The following IFT56 variants were observed in gnomAD, a reference collection of about 807,000 sequenced individuals.
IFT56 encodes intraflagellar transport protein 56.
At chr7:139,139,909 A>T in the IFT56 span, 15 of 1,611,810 alleles carry the variant, frequency 9.3e-6, no homozygotes, top group Non-Finnish European at 1.1e-5. Flanking sequence ...AATGCTACAA[A>T]AGAGGAAAAT....
At chr7:139,187,657 A>G in the IFT56 span, 37 of 1,323,328 alleles carry the variant, frequency 2.8e-5, no homozygotes, top group Non-Finnish European at 3.5e-5. Context: ...TTTTAGAATG[A>G]TGAAAAAAAG....
the IFT56 span, among the ~76,000 whole-genome samples, chr7:139,160,567 C>T: frequency 6.6e-6 from 1 of 151,960 alleles, no homozygotes; most frequent in Admixed American, 6.6e-5. Context: ...GTTGCTGGGA[C>T]TACAGGCTCG....
At chr7:139,168,457 C>T in the IFT56 span, 17 of 1,291,422 alleles carry the variant, frequency 1.3e-5, no homozygotes, top group Non-Finnish European at 1.9e-5. Context: ...TGGAAGAGAA[C>T]AAAATGACTA....
chr7:139,144,131 A>G, the IFT56 span, among the ~76,000 whole-genome samples: 1 of 152,034 alleles, frequency 6.6e-6, no homozygotes, highest in African/African-American at 2.4e-5. Flanking sequence ...TTGTGCTCCT[A>G]TCTGAAATCA....
the IFT56 span, chr7:139,168,212 T>C: frequency 2.0e-6 from 1 of 512,342 alleles, no homozygotes; most frequent in South Asian, 5.8e-5. Context: ...AAGCCAGGGA[T>C]AGAACAGAGA....
the IFT56 span, chr7:139,133,890 T>C: frequency 6.2e-7 from 1 of 1,614,138 alleles, no homozygotes; most frequent in South Asian, 1.1e-5. Context: ...AAGGGAGTAC[T>C]TTGAGTAGGT....
At chr7:139,138,991 T>G in the IFT56 span, among the ~76,000 whole-genome samples, 8 of 152,100 alleles carry the variant, frequency 5.3e-5, no homozygotes, top group Admixed American at 4.6e-4. Context: ...TTTTGTGTGT[T>G]TTAGTAGAGA....
chr7:139,157,054 A>T, the IFT56 span, among the ~76,000 whole-genome samples: 5 of 149,848 alleles, frequency 3.3e-5, no homozygotes. Context: ...TCCATGGATG[A>T]GTTGGGAGAT....
At chr7:139,178,663 C>A in the IFT56 span, 1 of 1,431,610 alleles carries the variant, frequency 7.0e-7, no homozygotes, top group Non-Finnish European at 9.8e-7. Flanking sequence ...CTTTTTCTCA[C>A]TGGAATAAAA....
chr7:139,148,213 C>T, the IFT56 span: 2 of 1,609,446 alleles, frequency 1.2e-6, no homozygotes, highest in Non-Finnish European at 1.7e-6. Flanking sequence ...TAGGGAATAC[C>T]TTGCCCTTAA....
the IFT56 span, among the ~76,000 whole-genome samples, chr7:139,182,188 C>T: frequency 6.6e-6 from 1 of 152,030 alleles, no homozygotes; most frequent in South Asian, 2.1e-4. Context: ...TAAAATCAGC[C>T]TCAAATTCTG....
At chr7:139,174,253 A>G in the IFT56 span, 1 of 583,310 alleles carries the variant, frequency 1.7e-6, no homozygotes, top group Non-Finnish European at 3.4e-6. Flanking sequence ...TTTCCCAACA[A>G]TAACATTAAC....
At chr7:139,135,255 G>A in the IFT56 span, among the ~76,000 whole-genome samples, 2 of 137,762 alleles carry the variant, frequency 1.5e-5, no homozygotes, top group African/African-American at 5.5e-5. Flanking sequence ...CTCCAGCCTG[G>A]CTACAAGGCG....
At chr7:139,141,777 TG>T in the IFT56 span, among the ~76,000 whole-genome samples, 7 of 152,286 alleles carry the variant, frequency 4.6e-5, no homozygotes, top group East Asian at 1.3e-3. Flanking sequence ...AGAAAATCTG[TG>T]GAATAGAGGC....
At chr7:139,163,407 G>A in the IFT56 span, among the ~76,000 whole-genome samples, 12 of 152,052 alleles carry the variant, frequency 7.9e-5, no homozygotes, top group African/African-American at 2.9e-4. Context: ...GTAGGCATCC[G>A]TGTCAAAACT....
the IFT56 span, chr7:139,189,409 A>G: frequency 1.2e-6 from 2 of 1,613,222 alleles, no homozygotes; most frequent in East Asian, 4.5e-5. Context: ...GAAATGGGCC[A>G]AAGAAAACAG....
At chr7:139,135,301 A>AC in the IFT56 span, among the ~76,000 whole-genome samples, 2 of 141,650 alleles carry the variant, frequency 1.4e-5, no homozygotes, top group African/African-American at 5.8e-5. Context: ...AAAAAAAACA[A>AC]AACAAAACTT....
chr7:139,171,622 A>T, the IFT56 span, among the ~76,000 whole-genome samples: 7 of 152,204 alleles, frequency 4.6e-5, no homozygotes, highest in Non-Finnish European at 8.8e-5. Context: ...ATGCTGGGAA[A>T]ACTGGATATC....
At chr7:139,172,326 C>T in the IFT56 span, among the ~76,000 whole-genome samples, 5 of 152,128 alleles carry the variant, frequency 3.3e-5, no homozygotes, top group Admixed American at 6.5e-5. Flanking sequence ...ACTATAGGCA[C>T]CCAGGAAACA....
Sources: gnomAD v4.1 joint callset for allele counts (sites outside exome capture counted in the v4.1 genomes callset) on GRCh38, gnomAD v4.1.1 for gene constraint, MANE v1.5 for transcripts, NCBI Gene and HGNC (gene_info 2026-07-23, HGNC 2026-07-21) for gene names.